Variants in RB1 observed in about 807,000 individuals in gnomAD.
RB1 encodes the protein retinoblastoma-associated protein.
Under a neutral mutation model 135.4 loss-of-function variants are expected in RB1, and 18 were observed. The observed-to-expected ratio is 0.13, with a 90% CI of 0.09 to 0.20. The LOEUF is 0.20. Ranked by LOEUF, RB1 falls within the 10% of genes least tolerant of loss-of-function variation. The pLI is 1.00. For missense variants in RB1, 868 were observed against 1,110.0 expected, an observed-to-expected ratio of 0.78 and a Z score of 3.10; for synonymous variants, 365 against 373.2, an observed-to-expected ratio of 0.98 and a Z score of 0.25.
intron 17 of RB1, chr13:48,391,356 C>G (rs1164708923): frequency 6.6e-6 from 1 of 152,140 alleles, no homozygotes; most frequent in East Asian, 1.9e-4. Flanking sequence ...AAAGAGAATT[C>G]AAAACAAGAG....
intron 17 of RB1, among the ~76,000 whole-genome samples, chr13:48,437,274 A>G (rs1458175166): frequency 6.6e-6 from 1 of 152,230 alleles, no homozygotes; most frequent in Non-Finnish European, 1.5e-5. Flanking sequence ...GTTGAGTACA[A>G]GAGAAAACTA....
At chr13:48,361,204 G>T (rs945433691) in intron 7 of RB1, among the ~76,000 whole-genome samples, 8 of 151,890 alleles carry the variant, frequency 5.3e-5, no homozygotes, top group African/African-American at 1.7e-4. Context: ...AGTTGATGTT[G>T]CAAGTTACTT....
chr13:48,333,217 T>C (rs1952352042), intron 2 of RB1: 3 of 394,298 alleles, frequency 7.6e-6, no homozygotes, highest in Non-Finnish European at 1.3e-5. Flanking sequence ...TGTGACCTCA[T>C]TTGTTTGTTG....
Position 48,480,092 on chromosome 13 carries a change from A to G in RB1, c.*21A>G. 1.3e-6 allele frequency: 2 copies of G among 1,570,092 alleles called. No individual in the cohort carries two copies. Among genetic ancestry groups the G allele is most frequent in the Non-Finnish European group, 1.8e-6 (2 of 1,141,166 alleles). On this transcript the variant is annotated 3_prime_UTR_variant, in exon 27 of 27. Coordinates refer to ENST00000267163, the MANE Select transcript of RB1 (RefSeq NM_000321.3). ...AATGAGGATCTCAGGACCTTGGTGG[A>G]CACTGTGTACACCTCTGGATTCATT...
intron 2 of RB1, among the ~76,000 whole-genome samples, chr13:48,307,987 TATAAA>T (rs2138035783): frequency 1.3e-5 from 2 of 152,002 alleles, no homozygotes; most frequent in South Asian, 4.1e-4. Flanking sequence ...CGCCATACCT[TATAAA>T]ATAATTTTTA....
chr13:48,433,559 G>A (rs1454144662), intron 17 of RB1, among the ~76,000 whole-genome samples: 4 of 151,998 alleles, frequency 2.6e-5, no homozygotes, highest in Non-Finnish European at 4.4e-5. Flanking sequence ...ATGCCACATA[G>A]GATAGACTGT....
chr13:48,376,927 G>T lies in RB1; in HGVS notation c.1225G>T (p.Val409Leu). The change falls in exon 13 of 27, where the codon GTG becomes TTG. Residue 409 changes from valine to leucine, a missense_variant. This residue lies in a region of RB1 where 641 missense variants were observed against 791.3 expected (regional missense o/e 0.81). Transcript: ENST00000267163. ...NLISYFNNCT[V>L]NPKESILKRV... is the part of the protein sequence containing the mutation. ...TTTTTACCTCCTAAAGAACTGCACA[G>T]TGAATCCAAAAGAAAGTATACTGAA... The T allele has an allele frequency of 6.2e-7, 1 of 1,613,588 alleles. No homozygotes were observed. The highest frequency in any genetic ancestry group is 1.3e-5 in the African/African-American group (1 of 75,010).
At chr13:48,380,655 A>G (rs1186167537) in intron 16 of RB1, among the ~76,000 whole-genome samples, 3 of 152,248 alleles carry the variant, frequency 2.0e-5, no homozygotes, top group Non-Finnish European at 4.4e-5. Context: ...ACAAAGGCCA[A>G]TTACAATGTT....
chr13:48,464,567 T>C (rs1053318021), intron 21 of RB1, among the ~76,000 whole-genome samples: 5 of 152,312 alleles, frequency 3.3e-5, no homozygotes, highest in East Asian at 3.9e-4. Context: ...CCCTTATAGA[T>C]TGGGGGGGAT....
At chr13:48,376,405 C>T (rs1952823791) in intron 12 of RB1, among the ~76,000 whole-genome samples, 1 of 149,224 alleles carries the variant, frequency 6.7e-6, no homozygotes, top group African/African-American at 2.5e-5. Flanking sequence ...GATGCTGAGG[C>T]AGGAGAATCA....
At chr13:48,334,984 A>G (rs1952370115) in intron 2 of RB1, among the ~76,000 whole-genome samples, 2 of 152,234 alleles carry the variant, frequency 1.3e-5, no homozygotes, top group South Asian at 2.1e-4. Context: ...CTTTTCTCCT[A>G]TTTTACAATT....
At chr13:48,322,531 G>A (rs1292336537) in intron 2 of RB1, among the ~76,000 whole-genome samples, 2 of 151,932 alleles carry the variant, frequency 1.3e-5, no homozygotes, top group African/African-American at 4.8e-5. Flanking sequence ...TCTTTTTCTT[G>A]CCTAATTGCT....
chr13:48,471,573 T>TAAAAAAAAAAA lies in RB1; in HGVS notation c.2490-1783_2490-1773dup, dbSNP rs1555294964. On this transcript the variant is annotated intron_variant, in intron 23 of 26. Transcript: ENST00000267163. ...CTTAGAGTATAATAAAAAATATAAA[T>TAAAAAAAAAAA]AAAAAAAAAAAAAAGAAAATCTATT... Among the ~76,000 whole-genome samples, 7 of 133,980 alleles carry TAAAAAAAAAAA rather than the reference T, an allele frequency of 5.2e-5. No individual in the cohort carries two copies. In the East Asian group the frequency reaches 6.6e-4, roughly 13 times the overall value. 87.9% of individuals were successfully genotyped at this position (133,980 alleles called of 152,430 possible). A position where few individuals can be genotyped will look rare whatever the true frequency, so the allele number is the denominator to read the frequency against.
chr13:48,474,569 C>G (rs922255708), intron 24 of RB1, among the ~76,000 whole-genome samples: 1 of 152,124 alleles, frequency 6.6e-6, no homozygotes, highest in Non-Finnish European at 1.5e-5. Context: ...AGCCCGATAT[C>G]CAAATGTCAC....
chr13:48,316,296 A>G (rs1952181369), intron 2 of RB1, among the ~76,000 whole-genome samples: 1 of 152,018 alleles, frequency 6.6e-6, no homozygotes, highest in Admixed American at 6.5e-5. Flanking sequence ...CCTCTGTATA[A>G]AAAGTGCTGT....
rs1952319790 is a variant in RB1, at chr13:48,330,088, TAAG to T, written c.265-12508_265-12506del. On this transcript the variant is annotated intron_variant, in intron 2 of 26. Coordinates refer to ENST00000267163, the MANE Select transcript of RB1 (RefSeq NM_000321.3). ...TGTTCCTGAACAACCAATAGTCAAA[TAAG>T]AAATCAAAATGGAAATTAAAAAAAA... 2.0e-5 allele frequency among the ~76,000 whole-genome samples: 3 copies of T among 148,644 alleles called. No homozygotes were observed. The South Asian group carries it at 6.3e-4, about 31-fold the overall frequency.
At chr13:48,383,623 CAG>C (rs760092605) in intron 17 of RB1, among the ~76,000 whole-genome samples, 10 of 151,870 alleles carry the variant, frequency 6.6e-5, no homozygotes, top group Non-Finnish European at 1.0e-4. Context: ...GCCATATAGA[CAG>C]AGTGAATAGA....
rs1952220149 is a variant in RB1 at position 48,319,969 on chromosome 13, T to C, written c.264+12563T>C. The C allele has an allele frequency of 1.1e-5, 4 of 374,748 alleles. No homozygotes were observed. Among genetic ancestry groups the C allele is most frequent in the Admixed American group, 7.2e-5 (2 of 27,742 alleles). 23.2% of individuals were successfully genotyped at this position (374,748 alleles called of 1,614,324 possible). On this transcript the variant is annotated intron_variant, in intron 2 of 26. Transcript: ENST00000267163. The surrounding 1 kb of genome is among the most constrained non-coding windows in gnomAD (Gnocchi z 5.0). ...TCGGGGCACTGCCGTGAGATAGTTC[T>C]GGCTTACATCTACTGCCACTGCCTG...
At chr13:48,475,722 A>G (rs1949500090) in intron 24 of RB1, among the ~76,000 whole-genome samples, 1 of 152,246 alleles carries the variant, frequency 6.6e-6, no homozygotes, top group Non-Finnish European at 1.5e-5. Context: ...AGGTGGGGTC[A>G]TTGGGAGCCA....
Sources: gnomAD v4.1 joint callset for allele counts (sites outside exome capture counted in the v4.1 genomes callset) on GRCh38, gnomAD v4.1.1 for gene constraint, gnomAD v4.1.1 regional missense constraint, Gnocchi (gnomAD v3.1) non-coding constraint, MANE v1.5 for transcripts, NCBI Gene and HGNC (gene_info 2026-07-23, HGNC 2026-07-21) for gene names.